ABCA4: variants seen among roughly 807,000 people sequenced by gnomAD.
ABCA4 encodes retinal-specific phospholipid-transporting ATPase ABCA4.
ABCA4 carries 196 observed loss-of-function variants against 263.7 expected under a neutral mutation model. That is an observed-to-expected ratio of 0.74 (90% CI 0.66 to 0.84). The LOEUF (loss-of-function observed/expected upper bound fraction) is 0.84, where lower values mean the gene tolerates loss of function less well. Among genes scored for constraint, ABCA4 ranks in the 40% least tolerant of loss-of-function variants. The probability of loss-of-function intolerance (pLI) is 0.00; values close to 1 mark genes in which losing one functional copy is unlikely to be tolerated. For synonymous variants in ABCA4, 1,133 were observed against 1,094.2 expected, an observed-to-expected ratio of 1.04 and a Z score of -0.70; for missense variants, 2,792 against 2,855.1, an observed-to-expected ratio of 0.98 and a Z score of 0.50.
At chr1:94,076,379 G>A (rs1403586386) in intron 11 of ABCA4, among the ~76,000 whole-genome samples, 2 of 152,228 alleles carry the variant, frequency 1.3e-5, no homozygotes, top group Non-Finnish European at 2.9e-5. Context: ...GTAGAAAAGT[G>A]AGGTGGAAGG....
At chr1:94,074,066 T>A (rs569372342) in intron 11 of ABCA4, among the ~76,000 whole-genome samples, 1 of 152,260 alleles carries the variant, frequency 6.6e-6, no homozygotes, top group South Asian at 2.1e-4. Context: ...GTCCCACAAA[T>A]CTAATAGGTC....
chr1:94,011,542 C>A lies in ABCA4; in HGVS notation c.5461-157G>T, dbSNP rs77433604. On this transcript the variant is annotated intron_variant, in intron 38 of 49. Transcript: ENST00000370225. ...CTGGCCACTGGAGGGATTTGTCCAG[C>A]AGAGCATCATGGGTTTGCAATGGAG... is the stretch of plus-strand genomic sequence containing the variant. Among the ~76,000 whole-genome samples, 456 of 152,302 alleles carry A rather than the reference C, an allele frequency of 3.0e-3. 1 individual carries two copies. Among genetic ancestry groups the A allele is most frequent in the African/African-American group, 0.011 (442 of 41,570 alleles).
At position 94,019,727 on chromosome 1, in the gene ABCA4, A is replaced by T. The variant is rs769711425; in HGVS notation, c.5051T>A (p.Ile1684Asn). 20 of 1,613,486 alleles carry T rather than the reference A, an allele frequency of 1.2e-5. No homozygotes were observed. The highest frequency in any genetic ancestry group is 1.5e-5 in the Non-Finnish European group (18 of 1,179,792). The change falls in exon 36 of 50, where the codon ATC becomes AAC. Residue 1684 changes from isoleucine (I) to asparagine (N), a missense_variant. Physicochemically the swap from Ile to Asn is moderately radical, Grantham distance 149. Transcript: ENST00000370225. ...LTTSVDAVVAICVIFSMSFVP... is the reference protein window; with the variant it reads ...LTTSVDAVVANCVIFSMSFVP... ...GAAGGACATGGAGAAAATCACGCAG[A>T]TGGCAACCACAGCATCCACTGAAGT...
At chr1:94,018,667 G>A in intron 36 of ABCA4, 1 of 446,532 alleles carries the variant, frequency 2.2e-6, no homozygotes, top group African/African-American at 2.0e-5. Context: ...GGCTCATGTT[G>A]GTCTTAAAAT....
chr1:94,029,738 G>A (rs1401625528), intron 29 of ABCA4, 107 bp from the exon 30 acceptor site: 7 of 1,105,826 alleles, frequency 6.3e-6, no homozygotes, highest in Non-Finnish European at 9.3e-6. Context: ...TTAGACCCAG[G>A]CCCTTTCTTC....
intron 15 of ABCA4, among the ~76,000 whole-genome samples, chr1:94,056,196 C>G (rs938698281): frequency 6.6e-6 from 1 of 152,066 alleles, no homozygotes; most frequent in African/African-American, 2.4e-5. Context: ...TTTTTTGAAG[C>G]AAAACAAAAA....
intron 40 of ABCA4, among the ~76,000 whole-genome samples, chr1:94,010,338 G>T (rs907191859): frequency 4.0e-5 from 6 of 148,826 alleles, no homozygotes; most frequent in African/African-American, 1.5e-4. Flanking sequence ...TCCTCCAGGA[G>T]TGGGGGGTCG....
At chr1:94,116,331 C>T (rs988950268) in intron 1 of ABCA4, among the ~76,000 whole-genome samples, 1 of 152,028 alleles carries the variant, frequency 6.6e-6, no homozygotes, top group African/African-American at 2.4e-5. Context: ...TCTCATGTGG[C>T]TGCAGGCTGA....
intron 6 of ABCA4, among the ~76,000 whole-genome samples, chr1:94,087,118 C>T (rs1661852784): frequency 6.6e-6 from 1 of 152,142 alleles, no homozygotes; most frequent in African/African-American, 2.4e-5. Flanking sequence ...ACCTAATTGC[C>T]TCCGAAAGGC....
intron 6 of ABCA4, among the ~76,000 whole-genome samples, chr1:94,085,122 T>C (rs1230031116): frequency 2.6e-5 from 4 of 152,044 alleles, no homozygotes; most frequent in African/African-American, 9.7e-5. Flanking sequence ...TAAATTTTGT[T>C]GGGTATGATC....
intron 24 of ABCA4, among the ~76,000 whole-genome samples, chr1:94,038,841 A>C (rs1660413637): frequency 6.6e-6 from 1 of 152,098 alleles, no homozygotes; most frequent in Non-Finnish European, 1.5e-5. Context: ...AAGTGAAAAG[A>C]CTTTCAAGGA....
chr1:94,073,337 C>A (rs1449470502), intron 11 of ABCA4, among the ~76,000 whole-genome samples: 1 of 152,174 alleles, frequency 6.6e-6, no homozygotes, highest in Non-Finnish European at 1.5e-5. Context: ...TCCCATCATA[C>A]CCCTCTGCTC....
Position 94,005,527 on chromosome 1 carries a change from C to G in ABCA4, c.6061G>C (p.Asp2021His). The G allele has an allele frequency of 6.2e-7, 1 of 1,614,126 alleles. No homozygotes were observed. The highest frequency in any genetic ancestry group is 8.5e-7 in the Non-Finnish European group (1 of 1,179,994). Residue 2021 changes from aspartate (D) to histidine (H), a missense_variant, in exon 44 of 50, where the codon GAT (aspartate) becomes CAT (histidine). Transcript: ENST00000370225. Reference protein sequence around the residue: ...HQNMGYCPQFDAIDELLTGRE... With the variant: ...HQNMGYCPQFHAIDELLTGRE... ...CCTGTGAGCAGCTCATCAATTGCAT[C>G]AAACTGAGGACAGTAGCCCATATTT...
intron 11 of ABCA4, among the ~76,000 whole-genome samples, chr1:94,072,031 C>CT (rs1661413724): frequency 6.6e-6 from 1 of 152,182 alleles, no homozygotes; most frequent in Non-Finnish European, 1.5e-5. Context: ...TGATCAGCAG[C>CT]TTTATCTTCT....
At chr1:94,087,269 C>T (rs1338549249) in intron 6 of ABCA4, among the ~76,000 whole-genome samples, 2 of 152,202 alleles carry the variant, frequency 1.3e-5, no homozygotes, top group African/African-American at 4.8e-5. Context: ...AAATGTATAA[C>T]ATGAAGCATA....
At chr1:94,059,720 C>T (rs1454293304) in intron 14 of ABCA4, 5 of 152,386 alleles carry the variant, frequency 3.3e-5, no homozygotes, top group Admixed American at 2.0e-4. Flanking sequence ...CCTGTAAAGC[C>T]TGAAGTCTAA....
intron 7 of ABCA4, among the ~76,000 whole-genome samples, chr1:94,081,581 G>A (rs1376777732): frequency 2.0e-5 from 3 of 152,094 alleles, no homozygotes; most frequent in African/African-American, 7.3e-5. Flanking sequence ...TGTGTGGTTT[G>A]TGGTTTTCTC....
At chr1:93,993,872 G>A (rs1409993321) in intron 49 of ABCA4, among the ~76,000 whole-genome samples, 1 of 152,076 alleles carries the variant, frequency 6.6e-6, no homozygotes, top group Non-Finnish European at 1.5e-5. Flanking sequence ...ACCAATGCCC[G>A]CTGTGGAGCT....
chr1:94,024,542 G>A (rs1659985175), intron 31 of ABCA4, among the ~76,000 whole-genome samples: 1 of 151,722 alleles, frequency 6.6e-6, no homozygotes, highest in South Asian at 2.1e-4. Context: ...TCTCTTTTTT[G>A]CCACTTACTT....
Sources: gnomAD v4.1 joint callset for allele counts (sites outside exome capture counted in the v4.1 genomes callset) on GRCh38, gnomAD v4.1.1 for gene constraint, MANE v1.5 for transcripts, NCBI Gene and HGNC (gene_info 2026-07-23, HGNC 2026-07-21) for gene names.